FGF13: variants seen among roughly 807,000 people sequenced by gnomAD.
The protein encoded by FGF13 is fibroblast growth factor homologous factor 2.
FGF13 carries 2 observed loss-of-function variants against 19.5 expected under a neutral mutation model. That is an observed-to-expected ratio of 0.10 (90% confidence interval 0.04 to 0.32). The LOEUF (loss-of-function observed/expected upper bound fraction) is 0.32, where lower values mean the gene tolerates loss of function less well. Ranked by LOEUF, FGF13 falls within the 10% of genes least tolerant of loss-of-function variation. The pLI is 1.00. For missense variants in FGF13, 113 were observed against 192.7 expected (o/e 0.59, Z 2.45); for synonymous variants, 72 against 76.9 (o/e 0.94, Z 0.33).
intron 3 of FGF13, among the ~76,000 whole-genome samples, chrX:138,669,298 T>C (rs769364702): frequency 9.0e-6 from 1 of 110,652 alleles, no homozygotes; most frequent in South Asian, 3.9e-4. Flanking sequence ...CTGAATGGCT[T>C]TTAAGGCCCT....
rs1231636298 is a variant in FGF13 at position 138,631,332 on chromosome X, C to T, written c.*1518G>A. On this transcript the variant is annotated 3_prime_UTR_variant, in exon 5 of 5. Coordinates refer to ENST00000315930, the MANE Select transcript of FGF13 (RefSeq NM_004114.5). ...GTGGCAGAGAAAATACTAGCACAAACGCCTCATTTGTATAATTTGACTACT... is the reference window on the plus strand; with the variant it reads ...GTGGCAGAGAAAATACTAGCACAAATGCCTCATTTGTATAATTTGACTACT... 1.8e-5 allele frequency: 2 copies of T among 112,070 alleles called. No individual in the cohort carries two copies. Among genetic ancestry groups the T allele is most frequent in the Admixed American group, 9.5e-5 (1 of 10,535 alleles). The allele number at this position is 112,070 out of a possible 1,213,427, so 9.2% of individuals were successfully genotyped here.
At chrX:138,712,691 T>G (rs933166385), upstream of FGF13, among the ~76,000 whole-genome samples, 2 of 111,761 alleles carry the variant, frequency 1.8e-5, no homozygotes, top group Non-Finnish European at 3.8e-5. Flanking sequence ...ATTTGACTAT[T>G]TTACTTGATT....
chrX:138,885,402 T>C (rs147829116), intron 1 of FGF13, among the ~76,000 whole-genome samples: 1,144 of 111,375 alleles, frequency 0.01, 11 homozygotes, highest in African/African-American at 0.034. Context: ...ACGCTCCAAG[T>C]AGCTAAGGGA....
At chrX:139,010,741 C>T (rs747328785) in intron 1 of FGF13, among the ~76,000 whole-genome samples, 15 of 110,451 alleles carry the variant, frequency 1.4e-4, no homozygotes, top group Admixed American at 1.3e-3. Flanking sequence ...TCACACCGCA[C>T]AGAAGTGGAG....
At chrX:138,651,267 T>C (rs1252585444) in intron 3 of FGF13, among the ~76,000 whole-genome samples, 2 of 112,087 alleles carry the variant, frequency 1.8e-5, no homozygotes, top group Non-Finnish European at 3.8e-5. Flanking sequence ...TAGGGATGTT[T>C]AACTCTGTGC....
intron 3 of FGF13, among the ~76,000 whole-genome samples, chrX:138,694,748 T>A (rs1421274577): frequency 1.8e-5 from 2 of 110,076 alleles, no homozygotes; most frequent in African/African-American, 6.6e-5. Context: ...AGTGCTGGGA[T>A]TACAGGCGTG....
At chrX:139,188,221 C>T (rs1158591027) in intron 1 of FGF13, among the ~76,000 whole-genome samples, 1 of 112,094 alleles carries the variant, frequency 8.9e-6, no homozygotes, top group Non-Finnish European at 1.9e-5. Flanking sequence ...TGCCATAATG[C>T]TTGATGCTCT....
At chrX:139,125,296 A>C (rs1389797724) in intron 1 of FGF13, among the ~76,000 whole-genome samples, 1 of 112,183 alleles carries the variant, frequency 8.9e-6, no homozygotes, top group Non-Finnish European at 1.9e-5. Flanking sequence ...TCCAGAAAAA[A>C]ACTGTTGTCA....
chrX:138,642,865 T>C (rs767707747), intron 3 of FGF13, among the ~76,000 whole-genome samples: 91 of 111,950 alleles, frequency 8.1e-4, no homozygotes, highest in Non-Finnish European at 1.3e-3. Flanking sequence ...TGAAATACCA[T>C]GCCACAAAAT....
At chrX:139,063,539 C>A (rs747419962) in intron 1 of FGF13, among the ~76,000 whole-genome samples, 11 of 111,230 alleles carry the variant, frequency 9.9e-5, no homozygotes, top group African/African-American at 3.6e-4. Flanking sequence ...GCTAGATAAC[C>A]TTTATCAGGT....
At chrX:139,062,518 T>C (rs1398123400) in intron 1 of FGF13, among the ~76,000 whole-genome samples, 3 of 111,952 alleles carry the variant, frequency 2.7e-5, no homozygotes, top group Non-Finnish European at 5.6e-5. Flanking sequence ...TCAAAATTTC[T>C]TTGGCTATCT....
chrX:139,030,133 A>C (rs965138957), intron 1 of FGF13, among the ~76,000 whole-genome samples: 1 of 111,654 alleles, frequency 9.0e-6, no homozygotes, highest in African/African-American at 3.2e-5. Context: ...GTAATTTGGG[A>C]GAACCATGGC....
chrX:138,983,243 A>AT (rs1218952650), intron 1 of FGF13, among the ~76,000 whole-genome samples: 1 of 109,449 alleles, frequency 9.1e-6, no homozygotes, highest in Admixed American at 9.8e-5. Flanking sequence ...TTACAGTTTC[A>AT]TATTTTACAT....
chrX:138,837,299 G>C (rs1004061953), intron 3 of FGF13, among the ~76,000 whole-genome samples: 4 of 111,118 alleles, frequency 3.6e-5, no homozygotes, highest in Non-Finnish European at 7.6e-5. Flanking sequence ...CAAAGATGGC[G>C]GTCTGCCCCT....
intron 3 of FGF13, among the ~76,000 whole-genome samples, chrX:138,777,365 C>T (rs1316221438): frequency 9.0e-6 from 1 of 111,649 alleles, no homozygotes; most frequent in Non-Finnish European, 1.9e-5. Flanking sequence ...TTTGTTTCTA[C>T]GGACCTGACA....
At chrX:139,116,392 T>C (rs1181254044) in intron 1 of FGF13, among the ~76,000 whole-genome samples, 1 of 111,823 alleles carries the variant, frequency 8.9e-6, no homozygotes, top group Non-Finnish European at 1.9e-5. Flanking sequence ...CAGGAGCAAA[T>C]ATTTCTAATT....
At chrX:138,663,813 G>A (rs1440665593) in intron 3 of FGF13, among the ~76,000 whole-genome samples, 1 of 111,458 alleles carries the variant, frequency 9.0e-6, no homozygotes, top group Admixed American at 9.6e-5. Context: ...GTTGGGGTGT[G>A]TTTATATGAT....
chrX:138,942,015 A>C (rs931000419), intron 1 of FGF13, among the ~76,000 whole-genome samples: 3 of 112,207 alleles, frequency 2.7e-5, no homozygotes, highest in Non-Finnish European at 5.6e-5. Context: ...TTTTCAAATA[A>C]ACAGAGTCTA....
At chrX:139,183,785 G>A (rs2084258629) in intron 1 of FGF13, among the ~76,000 whole-genome samples, 1 of 111,586 alleles carries the variant, frequency 9.0e-6, no homozygotes, top group African/African-American at 3.3e-5. Flanking sequence ...CCAACACCAG[G>A]AAATAGGGAG....
Sources: gnomAD v4.1 joint callset for allele counts (sites outside exome capture counted in the v4.1 genomes callset) on GRCh38, gnomAD v4.1.1 for gene constraint, MANE v1.5 for transcripts, NCBI Gene and HGNC (gene_info 2026-07-23, HGNC 2026-07-21) for gene names.